KCNQ3: variants seen among roughly 807,000 people sequenced by gnomAD.
KCNQ3 encodes the protein potassium voltage-gated channel subfamily KQT member 3.
A neutral mutation model predicts 92.5 loss-of-function variants in KCNQ3; 30 were observed. That is an observed-to-expected ratio of 0.32 (90% confidence interval 0.24 to 0.44). The LOEUF (loss-of-function observed/expected upper bound fraction) is 0.44, where lower values mean the gene tolerates loss of function less well. KCNQ3 is among the 20% of genes least tolerant of loss of function. The pLI is 1.00. For synonymous variants in KCNQ3, 450 were observed against 468.8 expected, an observed-to-expected ratio of 0.96 and a Z score of 0.52; for missense variants, 913 against 1,140.3, an observed-to-expected ratio of 0.80 and a Z score of 2.87.
chr8:132,390,847 C>T (rs142239129), intron 1 of KCNQ3, among the ~76,000 whole-genome samples: 275 of 152,290 alleles, frequency 1.8e-3, no homozygotes, highest in African/African-American at 6.2e-3. Context: ...CAATACATTT[C>T]GTTTCTTAAA....
intron 9 of KCNQ3, among the ~76,000 whole-genome samples, chr8:132,154,735 A>G (rs1825754193): frequency 6.6e-6 from 1 of 152,150 alleles, no homozygotes; most frequent in South Asian, 2.1e-4. Flanking sequence ...GAAACCTGTT[A>G]ACGGGAACCC....
chr8:132,479,432 A>T (rs1822491195), intron 1 of KCNQ3, among the ~76,000 whole-genome samples: 1 of 152,090 alleles, frequency 6.6e-6, no homozygotes, highest in Non-Finnish European at 1.5e-5. Flanking sequence ...CAGCCAAAAG[A>T]GTCCCCGGCC....
At chr8:132,295,605 T>A (rs1438045713) in intron 1 of KCNQ3, among the ~76,000 whole-genome samples, 1 of 152,222 alleles carries the variant, frequency 6.6e-6, no homozygotes, top group Non-Finnish European at 1.5e-5. Flanking sequence ...GCAGCACTAT[T>A]CACAATAGCA....
At chr8:132,145,074 G>A (rs1336699744) in intron 9 of KCNQ3, among the ~76,000 whole-genome samples, 2 of 152,198 alleles carry the variant, frequency 1.3e-5, no homozygotes, top group African/African-American at 4.8e-5. Flanking sequence ...TAATAATGGG[G>A]AGCACTATTG....
chr8:132,369,990 G>C (rs1044962640), intron 1 of KCNQ3, among the ~76,000 whole-genome samples: 4 of 152,124 alleles, frequency 2.6e-5, no homozygotes, highest in Non-Finnish European at 5.9e-5. Flanking sequence ...CCTTTCACCT[G>C]TTCTCTCTTG....
chr8:132,271,511 A>G (rs558218131), intron 1 of KCNQ3, among the ~76,000 whole-genome samples: 2 of 152,266 alleles, frequency 1.3e-5, no homozygotes, highest in East Asian at 3.9e-4. Flanking sequence ...TTTCACTTGT[A>G]GTAACTTCCC....
intron 1 of KCNQ3, among the ~76,000 whole-genome samples, chr8:132,187,559 C>T (rs142070164): frequency 6.6e-4 from 100 of 152,302 alleles, no homozygotes; most frequent in African/African-American, 1.9e-3. Context: ...ATGTGAAATT[C>T]GACTTTAACC....
chr8:132,419,804 T>C (rs1820917196), intron 1 of KCNQ3, among the ~76,000 whole-genome samples: 1 of 152,210 alleles, frequency 6.6e-6, no homozygotes, highest in Non-Finnish European at 1.5e-5. Context: ...ATATTCAGCA[T>C]CAGTAACAAC....
chr8:132,429,540 A>C (rs943976999), intron 1 of KCNQ3, among the ~76,000 whole-genome samples: 5 of 152,132 alleles, frequency 3.3e-5, no homozygotes, highest in African/African-American at 1.2e-4. Context: ...TCATGTCAAT[A>C]AATAGAAGAA....
chr8:132,256,141 A>G (rs1377519180), intron 1 of KCNQ3, among the ~76,000 whole-genome samples: 2 of 152,152 alleles, frequency 1.3e-5, no homozygotes, highest in African/African-American at 2.4e-5. Flanking sequence ...TATGAAAACA[A>G]TGTCATACCA....
chr8:132,402,154 G>C (rs572383187), intron 1 of KCNQ3, among the ~76,000 whole-genome samples: 1 of 152,172 alleles, frequency 6.6e-6, no homozygotes, highest in African/African-American at 2.4e-5. Flanking sequence ...CCCAGAGAGC[G>C]TGTCCGTGTG....
intron 1 of KCNQ3, among the ~76,000 whole-genome samples, chr8:132,344,139 C>T (rs372132171): frequency 1.3e-5 from 2 of 152,246 alleles, no homozygotes; most frequent in African/African-American, 4.8e-5. Context: ...AAGGGATTCT[C>T]CCATAATACA....
chr8:132,172,526 T>TAC (rs146253351), intron 7 of KCNQ3, 72 bp downstream of exon 7: 155 of 1,284,318 alleles, frequency 1.2e-4, no homozygotes, highest in African/African-American at 4.3e-4. Flanking sequence ...CATGCACACA[T>TAC]ACACACACAC....
chr8:132,329,059 G>A lies in KCNQ3; in HGVS notation c.387-142878C>T, dbSNP rs557172641. On this transcript the variant is annotated intron_variant, in intron 1 of 14. Coordinates refer to ENST00000388996, the MANE Select transcript of KCNQ3 (RefSeq NM_004519.4). ...AGGCATTCTCTGAACACTGGAGGAG[G>A]AGGATTGAGCACCAGTAAACAAGAA... 5.3e-5 allele frequency among the ~76,000 whole-genome samples: 8 copies of A among 152,326 alleles called. 1 individual carries two copies. The highest frequency in any genetic ancestry group is 1.7e-4 in the African/African-American group (7 of 41,584).
intron 1 of KCNQ3, among the ~76,000 whole-genome samples, chr8:132,418,347 G>A (rs973537012): frequency 4.6e-5 from 7 of 152,144 alleles, no homozygotes; most frequent in East Asian, 1.9e-4. Flanking sequence ...GCGTGCTCAC[G>A]GAAGGCTGGC....
chr8:132,143,117 C>T (rs1016930227), intron 9 of KCNQ3, among the ~76,000 whole-genome samples: 6 of 152,194 alleles, frequency 3.9e-5, no homozygotes, highest in Non-Finnish European at 5.9e-5. Flanking sequence ...TGGATCTGTT[C>T]TCTCTCACCC....
At chr8:132,317,549 T>C (rs1817777974) in intron 1 of KCNQ3, among the ~76,000 whole-genome samples, 1 of 152,226 alleles carries the variant, frequency 6.6e-6, no homozygotes, top group Non-Finnish European at 1.5e-5. Flanking sequence ...CCTGTGGTGC[T>C]ACCTGTGGTG....
intron 1 of KCNQ3, among the ~76,000 whole-genome samples, chr8:132,427,081 A>G (rs1306049857): frequency 1.3e-5 from 2 of 152,200 alleles, no homozygotes; most frequent in African/African-American, 2.4e-5. Flanking sequence ...CAGAATCTAA[A>G]TGATTGTTGC....
intron 9 of KCNQ3, among the ~76,000 whole-genome samples, chr8:132,145,090 TAGTGGGGAGAAGCCAGGGATGCTGTTA>T (rs1825413131): frequency 6.6e-6 from 1 of 152,200 alleles, no homozygotes; most frequent in African/African-American, 2.4e-5. Context: ...TATTGCCATC[TAGTGGGGAGAAGCCAGGGATGCTGTTA>T]AACATCCTGC....
Sources: gnomAD v4.1 joint callset for allele counts (sites outside exome capture counted in the v4.1 genomes callset) on GRCh38, gnomAD v4.1.1 for gene constraint, MANE v1.5 for transcripts, NCBI Gene and HGNC (gene_info 2026-07-23, HGNC 2026-07-21) for gene names.